Variants in IL1RAPL2 observed in about 807,000 individuals in gnomAD.
IL1RAPL2 encodes the protein interleukin 1 receptor accessory protein like 2.
Under a neutral mutation model 44.1 loss-of-function variants are expected in IL1RAPL2, and 3 were observed. The observed-to-expected ratio is 0.07, with a 90% CI of 0.03 to 0.18. IL1RAPL2 has a LOEUF of 0.18. IL1RAPL2 is among the 10% of genes least tolerant of loss of function. The probability of loss-of-function intolerance (pLI) is 1.00; values close to 1 mark genes in which losing one functional copy is unlikely to be tolerated. For synonymous variants in IL1RAPL2, 181 were observed against 178.8 expected (o/e 1.01, Z -0.10); for missense variants, 391 against 496.4 (o/e 0.79, Z 2.02).
rs904831479 is a variant in IL1RAPL2 at position 105,142,045 on chromosome X, T to C, written c.83-53430T>C. 7.1e-5 allele frequency among the ~76,000 whole-genome samples: 8 copies of C among 112,066 alleles called. No homozygotes were observed. In the South Asian group the frequency reaches 2.6e-3, roughly 36 times the overall value. ...ATGACTGCTTTCATCATAGAGTTCA[T>C]AAGTGGAAGAACAAATTCTCTTTTC... is the stretch of plus-strand genomic sequence containing the variant. On this transcript the variant is annotated intron_variant, in intron 2 of 10. Transcript: ENST00000372582.
In IL1RAPL2 at chrX:105,640,675, TATATATATATATATATAC is replaced by T. The variant is rs1411376602; in HGVS notation, c.773-76690_773-76673del. Among the ~76,000 whole-genome samples, 343 of 93,302 alleles carry T rather than the reference TATATATATATATATATAC, an allele frequency of 3.7e-3. 3 individuals carry two copies. The highest frequency in any genetic ancestry group is 0.012 in the African/African-American group (329 of 26,665). 81.0% of individuals were successfully genotyped at this position (93,302 alleles called of 115,157 possible). A position where few individuals can be genotyped will look rare whatever the true frequency, so the allele number is the denominator to read the frequency against. ...GTGTGTATATATATATATATATATATATATATATATATATATACACACACATATACATATATATACACA... is the reference window on the plus strand; with the variant it reads ...GTGTGTATATATATATATATATATATACACACATATACATATATATACACA... On this transcript the variant is annotated intron_variant, in intron 6 of 10. Transcript: ENST00000372582.
intron 3 of IL1RAPL2, chrX:105,220,205 C>A: frequency 8.3e-7 from 1 of 1,211,792 alleles, no homozygotes. Flanking sequence ...GTGCAGGCCT[C>A]TTTGACCTCA....
intron 5 of IL1RAPL2, among the ~76,000 whole-genome samples, chrX:105,379,838 G>A (rs1454980358): frequency 1.8e-5 from 2 of 111,717 alleles, no homozygotes; most frequent in Non-Finnish European, 3.8e-5. Flanking sequence ...AGTATGTCAG[G>A]TATTGTTCTT....
At chrX:104,949,718 G>A (rs1925514291) in intron 2 of IL1RAPL2, among the ~76,000 whole-genome samples, 1 of 111,134 alleles carries the variant, frequency 9.0e-6, no homozygotes, top group African/African-American at 3.3e-5. Context: ...TTTCCATGTA[G>A]TTGAGCAGTT....
intron 2 of IL1RAPL2, among the ~76,000 whole-genome samples, chrX:104,756,180 T>C (rs932313899): frequency 8.1e-5 from 9 of 111,444 alleles, no homozygotes; most frequent in Admixed American, 9.6e-5. Flanking sequence ...ATTTTTATTA[T>C]TGAAACAGCA....
Position 105,399,427 on chromosome X carries a change from C to T in IL1RAPL2, c.698-84886C>T, listed in dbSNP as rs147628444. On this transcript the variant is annotated intron_variant, in intron 5 of 10. Transcript: ENST00000372582. ...TACCATCCCTATCCTTCTTAGAGGT[C>T]GCTTCCTTAATACTCCAAACATATG... 1.2e-3 allele frequency among the ~76,000 whole-genome samples: 128 copies of T among 110,657 alleles called. 1 individual carries two copies. In the East Asian group the frequency reaches 0.013, roughly 11 times the overall value.
chrX:104,845,827 A>G (rs1337188089), intron 2 of IL1RAPL2, among the ~76,000 whole-genome samples: 3 of 111,587 alleles, frequency 2.7e-5, no homozygotes, highest in Non-Finnish European at 3.8e-5. Flanking sequence ...TGATTATCCT[A>G]TAGTTAGGTT....
At chrX:104,634,752 T>C (rs1001802108) in intron 1 of IL1RAPL2, among the ~76,000 whole-genome samples, 14 of 111,919 alleles carry the variant, frequency 1.3e-4, no homozygotes, top group African/African-American at 4.2e-4. Context: ...GCACATGAGA[T>C]GGATTTCCTA....
At chrX:105,117,554 G>T (rs1233640091) in intron 2 of IL1RAPL2, among the ~76,000 whole-genome samples, 1 of 110,978 alleles carries the variant, frequency 9.0e-6, no homozygotes, top group African/African-American at 3.3e-5. Context: ...GGAAGGACCT[G>T]GTGGGAGGTA....
At chrX:105,098,494 A>G (rs1021200025) in intron 2 of IL1RAPL2, among the ~76,000 whole-genome samples, 5 of 112,072 alleles carry the variant, frequency 4.5e-5, no homozygotes, top group African/African-American at 1.6e-4. Flanking sequence ...ATATATTTTC[A>G]AATAGTAACA....
intron 2 of IL1RAPL2, among the ~76,000 whole-genome samples, chrX:104,940,701 CT>C (rs753423561): frequency 0.057 from 5,730 of 101,391 alleles, 418 homozygotes; most frequent in African/African-American, 0.19. Flanking sequence ...ATTCTCACTT[CT>C]TTTTTTTTTT....
chrX:105,060,991 C>T (rs954917595), intron 2 of IL1RAPL2, among the ~76,000 whole-genome samples: 1 of 110,694 alleles, frequency 9.0e-6, no homozygotes, highest in African/African-American at 3.3e-5. Context: ...TTCAAAAAGC[C>T]AGCTTTTCAT....
chrX:104,852,679 A>G (rs1922258135), intron 2 of IL1RAPL2, among the ~76,000 whole-genome samples: 1 of 112,169 alleles, frequency 8.9e-6, no homozygotes, highest in African/African-American at 3.2e-5. Context: ...AGGCAAGATA[A>G]GAAGCTAAGT....
At chrX:105,400,662 T>C (rs748074916) in intron 5 of IL1RAPL2, among the ~76,000 whole-genome samples, 4 of 105,893 alleles carry the variant, frequency 3.8e-5, no homozygotes, top group Non-Finnish European at 7.6e-5. Flanking sequence ...AAAAATGCAG[T>C]TATATTACCT....
At chrX:105,673,283 G>A (rs1323669738) in intron 6 of IL1RAPL2, among the ~76,000 whole-genome samples, 1 of 110,610 alleles carries the variant, frequency 9.0e-6, no homozygotes, top group Non-Finnish European at 1.9e-5. Flanking sequence ...ATTAAGCCCA[G>A]CATGCATTAG....
chrX:104,752,795 T>C lies in IL1RAPL2; in HGVS notation c.82+93800T>C, dbSNP rs963046095. Among the ~76,000 whole-genome samples the C allele has an allele frequency of 2.5e-4, 28 of 111,021 alleles. 1 individual carries two copies. The highest frequency in any genetic ancestry group is 1.7e-3 in the Admixed American group (18 of 10,389). ...GCTACCAAATACTTCTCTTTAGTTC[T>C]TGGTTGAACATGGTTCTGTATTCCA... On this transcript the variant is annotated intron_variant, in intron 2 of 10. Transcript: ENST00000372582.
chrX:104,951,408 T>C (rs997027643), intron 2 of IL1RAPL2, among the ~76,000 whole-genome samples: 10 of 112,166 alleles, frequency 8.9e-5, no homozygotes, highest in Admixed American at 3.8e-4. Context: ...AATTTTGAGA[T>C]TCTATTTTTT....
chrX:104,798,993 T>C, intron 2 of IL1RAPL2, among the ~76,000 whole-genome samples: 1 of 111,158 alleles, frequency 9.0e-6, no homozygotes, highest in East Asian at 2.8e-4. Flanking sequence ...TATCATACAT[T>C]TATTATTATA....
chrX:104,893,265 C>G (rs1183522420), intron 2 of IL1RAPL2, among the ~76,000 whole-genome samples: 1 of 111,877 alleles, frequency 8.9e-6, no homozygotes, highest in Non-Finnish European at 1.9e-5. Flanking sequence ...AATGTGTATT[C>G]TGTTGATTTG....
Sources: allele counts gnomAD v4.1 joint callset (sites outside exome capture counted in the v4.1 genomes callset), GRCh38; gene constraint gnomAD v4.1.1; transcripts MANE v1.5; gene names NCBI Gene and HGNC (gene_info 2026-07-23, HGNC 2026-07-21).